JAKMIP1: variants seen among roughly 807,000 people sequenced by gnomAD.
The protein encoded by JAKMIP1 is janus kinase and microtubule-interacting protein 1.
In JAKMIP1, 33 loss-of-function variants were observed where a neutral mutation model predicts 113.0. The ratio of observed to expected loss-of-function variants is 0.29; its 90% CI spans 0.22 to 0.39. The LOEUF (loss-of-function observed/expected upper bound fraction) is 0.39, where lower values mean the gene tolerates loss of function less well. Ranked by LOEUF, JAKMIP1 falls within the 10% of genes least tolerant of loss-of-function variation. JAKMIP1 has a pLI of 1.00. For synonymous variants in JAKMIP1, 480 were observed against 459.9 expected (o/e 1.04, Z -0.56); for missense variants, 813 against 1,080.5 (o/e 0.75, Z 3.47).
chr4:6,084,215 G>T (rs759080146), intron 5 of JAKMIP1, among the ~76,000 whole-genome samples: 10 of 152,088 alleles, frequency 6.6e-5, no homozygotes, highest in Non-Finnish European at 8.8e-5. Flanking sequence ...TACTCGGGAG[G>T]CTGAGGCAGG....
rs1723898446 is a variant in JAKMIP1 at position 6,168,197 on chromosome 4, G to A, written c.-148+32056C>T. On this transcript the variant is annotated intron_variant, in intron 1 of 20. Transcript: ENST00000409021. This position sits in a 1 kb window ranked among gnomAD's most constrained non-coding sequence, Gnocchi z 4.6. ...CTTTATGCATTGCTGGTGGGGTCAT[G>A]AAATGATGCAGCCACTTTGGAAAAC... is the stretch of plus-strand genomic sequence containing the variant. Among the ~76,000 whole-genome samples, 1 of 152,218 alleles carries A rather than the reference G, an allele frequency of 6.6e-6. No homozygotes were observed. Among genetic ancestry groups the A allele is most frequent in the Non-Finnish European group, 1.5e-5 (1 of 68,044 alleles).
intron 20 of JAKMIP1, among the ~76,000 whole-genome samples, chr4:6,027,546 G>A (rs6821997): frequency 0.021 from 3,210 of 152,262 alleles, 100 homozygotes; most frequent in African/African-American, 0.069. Flanking sequence ...CACAGGCCCC[G>A]ATGCCTGTAA....
chr4:6,173,931 A>T (rs1725037982), intron 1 of JAKMIP1, among the ~76,000 whole-genome samples: 1 of 151,842 alleles, frequency 6.6e-6, no homozygotes, highest in Admixed American at 6.6e-5. Context: ...CAAAAAAAAA[A>T]TTTAGCCAGG....
In JAKMIP1 at chr4:6,050,715, C is replaced by T; in HGVS notation, c.1807-36G>A. ...GATTCGGTTTAAAAACAGAATGTGA[C>T]CGGATTATTTACCACTTGCCATTTT... On this transcript the variant is annotated intron_variant, in intron 13 of 20. Coordinates refer to ENST00000409021, the MANE Select transcript of JAKMIP1 (RefSeq NM_001099433.2). This position sits in a 1 kb window ranked among gnomAD's most constrained non-coding sequence, Gnocchi z 7.4. The T allele has an allele frequency of 6.7e-7, 1 of 1,487,702 alleles. No individual in the cohort carries two copies. Among genetic ancestry groups the T allele is most frequent in the Non-Finnish European group, 9.2e-7 (1 of 1,089,188 alleles). 92.2% of individuals were successfully genotyped at this position (1,487,702 alleles called of 1,614,324 possible).
intron 3 of JAKMIP1, among the ~76,000 whole-genome samples, chr4:6,104,154 T>C (rs1009800299): frequency 4.7e-4 from 72 of 152,336 alleles, no homozygotes; most frequent in African/African-American, 1.5e-3. Flanking sequence ...ATGATAAAAG[T>C]ATGTCATGTC....
intron 1 of JAKMIP1, among the ~76,000 whole-genome samples, chr4:6,122,110 C>T (rs1026486572): frequency 2.6e-5 from 4 of 152,088 alleles, no homozygotes; most frequent in South Asian, 4.2e-4. Context: ...TTTGGGAGGC[C>T]GAGGCGGGCG....
rs73073403 is a variant in JAKMIP1 at position 6,041,128 on chromosome 4, C to T, written c.2098-412G>A. 3.6e-3 allele frequency among the ~76,000 whole-genome samples: 550 copies of T among 152,272 alleles called. 5 individuals are homozygous for T. Among genetic ancestry groups the T allele is most frequent in the African/African-American group, 0.012 (517 of 41,566 alleles). On this transcript the variant is annotated intron_variant, in intron 17 of 20. Coordinates refer to ENST00000409021, the MANE Select transcript of JAKMIP1 (RefSeq NM_001099433.2). ...TGCCTGAATTGCATCACCCACCTCCCGATTGGTCTCACTGAGCACACTTCT... is the reference window on the plus strand; with the variant it reads ...TGCCTGAATTGCATCACCCACCTCCTGATTGGTCTCACTGAGCACACTTCT...
chr4:6,161,363 T>C (rs189587956), intron 1 of JAKMIP1, among the ~76,000 whole-genome samples: 13 of 152,206 alleles, frequency 8.5e-5, no homozygotes, highest in Admixed American at 7.9e-4. Flanking sequence ...CTGAGCCCAC[T>C]TTTTGTGGTC....
intron 1 of JAKMIP1, among the ~76,000 whole-genome samples, chr4:6,147,285 T>TTTTTG (rs371831603): frequency 0.023 from 3,432 of 152,232 alleles, 127 homozygotes; most frequent in African/African-American, 0.078. Context: ...GTTTTTTGTT[T>TTTTTG]TTTTGTTTTG....
chr4:6,158,731 C>A lies in JAKMIP1; in HGVS notation c.-148+41522G>T, dbSNP rs182081582. 6.6e-6 allele frequency among the ~76,000 whole-genome samples: 1 copy of A among 151,730 alleles called. No homozygotes were observed. The highest frequency in any genetic ancestry group is 2.4e-5 in the African/African-American group (1 of 41,266). On this transcript the variant is annotated intron_variant, in intron 1 of 20. Coordinates refer to ENST00000409021, the MANE Select transcript of JAKMIP1 (RefSeq NM_001099433.2). This position sits in a 1 kb window ranked among gnomAD's most constrained non-coding sequence, Gnocchi z 5.3. The stretch of plus-strand genomic sequence containing the variant: ...TTTATTGGATAAAAATAGGGCAATT[C>A]GATTGATCAATGAGGCAGAAGAGAA...
At chr4:6,047,599 G>A (rs1437455967) in intron 16 of JAKMIP1, among the ~76,000 whole-genome samples, 1 of 152,230 alleles carries the variant, frequency 6.6e-6, no homozygotes, top group African/African-American at 2.4e-5. Flanking sequence ...CTGCCTACCA[G>A]TGTGACCTTG....
In JAKMIP1 at chr4:6,044,188, A is replaced by C. The variant is rs951058596; in HGVS notation, c.2029-1961T>G. Among the ~76,000 whole-genome samples the C allele has an allele frequency of 2.4e-5, 2 of 84,248 alleles. No individual in the cohort carries two copies. The highest frequency in any genetic ancestry group is 3.1e-4 in the South Asian group (1 of 3,216). The allele number at this position is 84,248 out of a possible 152,430, so 55.3% of individuals were successfully genotyped here. On this transcript the variant is annotated intron_variant, in intron 16 of 20. Transcript: ENST00000409021. The surrounding 1 kb of genome is among the most constrained non-coding windows in gnomAD (Gnocchi z 4.4). ...TGCCGGGTCGTAGCACTCACCTGAC[A>C]GCGCTGTTGTCTGTTTCACCCCTCA...
rs1169228921 is a variant in JAKMIP1, at chr4:6,186,110, G to A, written c.-148+14143C>T. Among the ~76,000 whole-genome samples, 1 of 152,066 alleles carries A rather than the reference G, an allele frequency of 6.6e-6. No homozygotes were observed. The highest frequency in any genetic ancestry group is 1.5e-5 in the Non-Finnish European group (1 of 67,988). On this transcript the variant is annotated intron_variant, in intron 1 of 20. Transcript: ENST00000409021. This position sits in a 1 kb window ranked among gnomAD's most constrained non-coding sequence, Gnocchi z 5.5. ...ACAGGAAGGAGAACGAACAAGTTGT[G>A]GTGAGAATTACACAACTCCTAAGCA...
At chr4:6,115,306 A>T (rs928797831) in intron 1 of JAKMIP1, among the ~76,000 whole-genome samples, 1 of 152,214 alleles carries the variant, frequency 6.6e-6, no homozygotes, top group Non-Finnish European at 1.5e-5. Context: ...GTTACTCAGG[A>T]GGCTGAGACA....
At chr4:6,171,201 CCAT>C (rs1724637511) in intron 1 of JAKMIP1, among the ~76,000 whole-genome samples, 1 of 151,618 alleles carries the variant, frequency 6.6e-6, no homozygotes, top group Admixed American at 6.6e-5. Flanking sequence ...ATCATCACCA[CCAT>C]CACCATCATC....
chr4:6,192,917 T>C lies in JAKMIP1; in HGVS notation c.-148+7336A>G, dbSNP rs1727428380. Among the ~76,000 whole-genome samples, 1 of 152,174 alleles carries C rather than the reference T, an allele frequency of 6.6e-6. No homozygotes were observed. The highest frequency in any genetic ancestry group is 1.5e-5 in the Non-Finnish European group (1 of 68,038). ...GTGATGGTTAATATTGAGTGTCAAC[T>C]TGATTGGTGAAGGATGCAAAGTATT... is the stretch of plus-strand genomic sequence containing the variant. On this transcript the variant is annotated intron_variant, in intron 1 of 20. Transcript: ENST00000409021. The surrounding 1 kb of genome is among the most constrained non-coding windows in gnomAD (Gnocchi z 5.0).
At position 6,086,317 on chromosome 4, in the gene JAKMIP1, C is replaced by G. The variant is rs561666485; in HGVS notation, c.625-688G>C. Among the ~76,000 whole-genome samples, 1 of 152,094 alleles carries G rather than the reference C, an allele frequency of 6.6e-6. No homozygotes were observed. The highest frequency in any genetic ancestry group is 2.4e-5 in the African/African-American group (1 of 41,410). Reference sequence around the variant, plus strand: ...CTCTCCCAGGCAGCCAGGTCCTCCCCGACGGTATCAACCCCACATATGCAG... The same window carrying G: ...CTCTCCCAGGCAGCCAGGTCCTCCCGGACGGTATCAACCCCACATATGCAG... On this transcript the variant is annotated intron_variant, in intron 3 of 20. Transcript: ENST00000409021. The surrounding 1 kb of genome is among the most constrained non-coding windows in gnomAD (Gnocchi z 4.1).
intron 3 of JAKMIP1, among the ~76,000 whole-genome samples, chr4:6,100,512 C>A (rs1191134624): frequency 6.6e-6 from 1 of 152,186 alleles, no homozygotes; most frequent in African/African-American, 2.4e-5. Context: ...TTCTCCCATT[C>A]GTTGACTATT....
Position 6,064,517 on chromosome 4 carries a change from C to T in JAKMIP1, c.1431+363G>A, listed in dbSNP as rs932854023. On this transcript the variant is annotated intron_variant, in intron 9 of 20. Transcript: ENST00000409021. The surrounding 1 kb of genome is among the most constrained non-coding windows in gnomAD (Gnocchi z 4.3). ...TGGTGTGTCCGTGTGTGCACACATG[C>T]GTGGGGACCAGGGAGAGACCATTAC... Among the ~76,000 whole-genome samples, 31 of 152,296 alleles carry T rather than the reference C, an allele frequency of 2.0e-4. No homozygotes were observed. The highest frequency in any genetic ancestry group is 7.2e-4 in the African/African-American group (30 of 41,578).
Sources: allele counts gnomAD v4.1 joint callset (sites outside exome capture counted in the v4.1 genomes callset), GRCh38; gene constraint gnomAD v4.1.1; non-coding constraint Gnocchi (gnomAD v3.1); transcripts MANE v1.5; gene names NCBI Gene and HGNC (gene_info 2026-07-23, HGNC 2026-07-21).